RCAN2: variants seen among roughly 807,000 people sequenced by gnomAD.
RCAN2 encodes the protein regulator of calcineurin 2, also known as calcipressin-2.
RCAN2 carries 9 observed loss-of-function variants against 23.6 expected under a neutral mutation model. The ratio of observed to expected loss-of-function variants is 0.38; its 90% confidence interval spans 0.23 to 0.67. RCAN2 has a LOEUF of 0.67. Among genes scored for constraint, RCAN2 ranks in the 30% least tolerant of loss-of-function variants. The probability of loss-of-function intolerance (pLI) is 0.51; values close to 1 mark genes in which losing one functional copy is unlikely to be tolerated. For synonymous variants in RCAN2, 109 were observed against 115.7 expected, an observed-to-expected ratio of 0.94 and a Z score of 0.37; for missense variants, 273 against 302.3, an observed-to-expected ratio of 0.90 and a Z score of 0.72.
At chr6:46,448,258 G>A (rs184324312) in intron 2 of RCAN2, among the ~76,000 whole-genome samples, 52 of 151,692 alleles carry the variant, frequency 3.4e-4, no homozygotes, top group African/African-American at 1.1e-3. Context: ...TCCTAGAGAC[G>A]TAAAACCTAC....
At chr6:46,413,253 T>C (rs1235137807) in intron 2 of RCAN2, among the ~76,000 whole-genome samples, 1 of 152,200 alleles carries the variant, frequency 6.6e-6, no homozygotes, top group Admixed American at 6.5e-5. Context: ...TCAGAGACAG[T>C]ATGAATGAAA....
intron 2 of RCAN2, among the ~76,000 whole-genome samples, chr6:46,453,176 G>A (rs946515414): frequency 2.0e-5 from 3 of 152,208 alleles, no homozygotes; most frequent in South Asian, 4.1e-4. Flanking sequence ...CCAGGGGAGT[G>A]CTCTGAAGAG....
At chr6:46,455,140 C>A (rs374491899) in intron 2 of RCAN2, among the ~76,000 whole-genome samples, 1 of 152,188 alleles carries the variant, frequency 6.6e-6, no homozygotes, top group Non-Finnish European at 1.5e-5. Flanking sequence ...AGAAAATTAT[C>A]ATTTGTGATA....
chr6:46,266,196 C>T (rs541522848), intron 2 of RCAN2, among the ~76,000 whole-genome samples: 1 of 152,256 alleles, frequency 6.6e-6, no homozygotes, highest in South Asian at 2.1e-4. Flanking sequence ...CATTTAAGAC[C>T]TAAGCACTTC....
intron 2 of RCAN2, among the ~76,000 whole-genome samples, chr6:46,391,796 G>T (rs903734942): frequency 2.0e-5 from 3 of 152,156 alleles, no homozygotes; most frequent in Admixed American, 1.3e-4. Context: ...GTGAAGGGGG[G>T]TGACAAGGCA....
chr6:46,235,588 A>G (rs1224380702), intron 4 of RCAN2, among the ~76,000 whole-genome samples: 7 of 152,104 alleles, frequency 4.6e-5, no homozygotes, highest in Admixed American at 1.3e-4. Flanking sequence ...TTCTCTGCCA[A>G]TCTAGGTTCC....
chr6:46,344,157 A>G (rs140781818), intron 2 of RCAN2, among the ~76,000 whole-genome samples: 1 of 152,340 alleles, frequency 6.6e-6, no homozygotes, highest in African/African-American at 2.4e-5. Flanking sequence ...TAAATTTGCT[A>G]GTAATCATTG....
At chr6:46,454,030 C>T (rs1767953900) in intron 2 of RCAN2, among the ~76,000 whole-genome samples, 1 of 152,140 alleles carries the variant, frequency 6.6e-6, no homozygotes, top group Non-Finnish European at 1.5e-5. Context: ...AAACAATTAC[C>T]ATGGCCAGCC....
At chr6:46,313,742 G>A (rs1023036420) in intron 2 of RCAN2, among the ~76,000 whole-genome samples, 1 of 152,150 alleles carries the variant, frequency 6.6e-6, no homozygotes, top group Non-Finnish European at 1.5e-5. Flanking sequence ...ATTTCTCATT[G>A]AGAGAATCAT....
chr6:46,477,240 C>T (rs140970555), intron 1 of RCAN2, among the ~76,000 whole-genome samples: 1 of 152,114 alleles, frequency 6.6e-6, no homozygotes, highest in African/African-American at 2.4e-5. Context: ...GCTTATTTAC[C>T]CGACATAAAA....
chr6:46,480,722 T>G (rs1229307544), intron 1 of RCAN2, among the ~76,000 whole-genome samples: 1 of 151,916 alleles, frequency 6.6e-6, no homozygotes. Context: ...GCCTCCTGGG[T>G]TCACGCCATT....
At chr6:46,336,686 G>A (rs894802355) in intron 2 of RCAN2, among the ~76,000 whole-genome samples, 9 of 152,176 alleles carry the variant, frequency 5.9e-5, no homozygotes, top group African/African-American at 1.9e-4. Context: ...CATCCAGTAA[G>A]GTATGTGAAT....
intron 1 of RCAN2, among the ~76,000 whole-genome samples, chr6:46,474,322 T>C (rs1409153331): frequency 6.6e-6 from 1 of 152,120 alleles, no homozygotes; most frequent in East Asian, 1.9e-4. Context: ...ACAGGAGTCC[T>C]GACTGACACA....
intron 2 of RCAN2, among the ~76,000 whole-genome samples, chr6:46,307,289 G>A (rs550177873): frequency 9.2e-5 from 14 of 152,188 alleles, no homozygotes; most frequent in Admixed American, 1.3e-4. Context: ...CACAGTAAGC[G>A]CAATGTTCAA....
intron 1 of RCAN2, among the ~76,000 whole-genome samples, chr6:46,458,222 C>A (rs1344272512): frequency 6.6e-6 from 1 of 152,194 alleles, no homozygotes; most frequent in Non-Finnish European, 1.5e-5. Context: ...TGAAGTTTAG[C>A]TAGATACAAA....
intron 1 of RCAN2, among the ~76,000 whole-genome samples, chr6:46,481,512 G>T (rs1252908375): frequency 6.6e-6 from 1 of 152,096 alleles, no homozygotes; most frequent in African/African-American, 2.4e-5. Flanking sequence ...GTTCTCATTA[G>T]TAAAATAATT....
At chr6:46,367,407 G>T (rs959872821) in intron 2 of RCAN2, among the ~76,000 whole-genome samples, 1 of 151,970 alleles carries the variant, frequency 6.6e-6, no homozygotes, top group Admixed American at 6.5e-5. Context: ...ATCCAGTGAC[G>T]GCCTGAAGAT....
Position 46,394,518 on chromosome 6 carries a change from C to T in RCAN2, c.225+62234G>A, listed in dbSNP as rs1333538197. On this transcript the variant is annotated intron_variant, in intron 2 of 4. Transcript: ENST00000371374. ...AATTGGTCCAAAAGGCAGGCCCAGT[C>T]TTAACTTATAAGTAGAAATTCTTCC... 2.6e-5 allele frequency among the ~76,000 whole-genome samples: 4 copies of T among 152,158 alleles called. No individual in the cohort carries two copies. The East Asian group carries it at 7.7e-4, about 29-fold the overall frequency.
intron 2 of RCAN2, among the ~76,000 whole-genome samples, chr6:46,431,520 A>G (rs1413143734): frequency 1.3e-5 from 2 of 152,214 alleles, no homozygotes; most frequent in Non-Finnish European, 2.9e-5. Context: ...AACGATGAAT[A>G]CTAGAGGTGA....
Sources: allele counts gnomAD v4.1 joint callset (sites outside exome capture counted in the v4.1 genomes callset), GRCh38; gene constraint gnomAD v4.1.1; transcripts MANE v1.5; gene names NCBI Gene and HGNC (gene_info 2026-07-23, HGNC 2026-07-21).